NTNG1: variants seen among roughly 807,000 people sequenced by gnomAD.
NTNG1 encodes the protein netrin G1.
Under a neutral mutation model 54.0 loss-of-function variants are expected in NTNG1, and 16 were observed. That is an observed-to-expected ratio of 0.30 (90% CI 0.20 to 0.45). NTNG1 has a LOEUF of 0.45. Ranked by LOEUF, NTNG1 falls within the 20% of genes least tolerant of loss-of-function variation. The pLI is 1.00. For missense variants in NTNG1, 530 were observed against 678.7 expected (o/e 0.78, Z 2.43); for synonymous variants, 255 against 263.1 (o/e 0.97, Z 0.30).
At chr1:107,179,899 C>G (rs1186356162) in intron 2 of NTNG1, among the ~76,000 whole-genome samples, 4 of 151,994 alleles carry the variant, frequency 2.6e-5, no homozygotes, top group African/African-American at 9.7e-5. Context: ...GGAGTAAGTC[C>G]AGTTTTACAT....
intron 4 of NTNG1, among the ~76,000 whole-genome samples, chr1:107,397,710 T>C (rs1380612267): frequency 6.6e-6 from 1 of 152,114 alleles, no homozygotes; most frequent in Non-Finnish European, 1.5e-5. Flanking sequence ...TTTTAACTGG[T>C]ATAAAAGTTA....
chr1:107,317,247 A>G (rs1667387476), intron 2 of NTNG1, among the ~76,000 whole-genome samples: 1 of 152,214 alleles, frequency 6.6e-6, no homozygotes, highest in African/African-American at 2.4e-5. Context: ...AAGTTGCATT[A>G]ACTTAAATGC....
chr1:107,365,876 A>G (rs1309517200), intron 3 of NTNG1, among the ~76,000 whole-genome samples: 1 of 152,216 alleles, frequency 6.6e-6, no homozygotes, highest in Non-Finnish European at 1.5e-5. Context: ...ATTAAACAGT[A>G]TGGAATTAAC....
At chr1:107,351,922 C>A (rs1244101030) in intron 3 of NTNG1, among the ~76,000 whole-genome samples, 1 of 152,240 alleles carries the variant, frequency 6.6e-6, no homozygotes, top group African/African-American at 2.4e-5. Context: ...AAGAAAGGGG[C>A]TACAGGCCCC....
chr1:107,225,994 C>T (rs1037263289), intron 2 of NTNG1, among the ~76,000 whole-genome samples: 4 of 152,202 alleles, frequency 2.6e-5, no homozygotes, highest in Admixed American at 6.5e-5. Flanking sequence ...GCAAACCTCA[C>T]ATTAATGCTA....
intron 2 of NTNG1, among the ~76,000 whole-genome samples, chr1:107,264,994 G>T (rs1264011470): frequency 6.6e-6 from 1 of 152,146 alleles, no homozygotes; most frequent in Non-Finnish European, 1.5e-5. Flanking sequence ...CTGTGTCTTT[G>T]TTCACCTCCC....
At chr1:107,352,859 C>T (rs1669707312) in intron 3 of NTNG1, among the ~76,000 whole-genome samples, 1 of 152,222 alleles carries the variant, frequency 6.6e-6, no homozygotes, top group South Asian at 2.1e-4. Flanking sequence ...GGTTTGCACC[C>T]TCTGGAGCAG....
intron 5 of NTNG1, among the ~76,000 whole-genome samples, chr1:107,428,926 G>C (rs1044094633): frequency 3.9e-5 from 6 of 151,990 alleles, no homozygotes; most frequent in African/African-American, 1.5e-4. Context: ...CACTTGGCAT[G>C]CCTTTACTAC....
chr1:107,262,690 C>T (rs1274584938), intron 2 of NTNG1, among the ~76,000 whole-genome samples: 1 of 152,162 alleles, frequency 6.6e-6, no homozygotes, highest in Admixed American at 6.5e-5. Context: ...CTTATGTTGA[C>T]TTGAGACAAT....
intron 2 of NTNG1, among the ~76,000 whole-genome samples, chr1:107,160,065 CT>C (rs1278364632): frequency 2.6e-5 from 4 of 152,070 alleles, no homozygotes; most frequent in African/African-American, 9.7e-5. Flanking sequence ...TAGTGTGATG[CT>C]TTTGTTTTGT....
intron 3 of NTNG1, among the ~76,000 whole-genome samples, chr1:107,389,791 C>T (rs1029531806): frequency 2.6e-5 from 4 of 152,280 alleles, no homozygotes; most frequent in Non-Finnish European, 2.9e-5. Flanking sequence ...ACTTGGCTCT[C>T]GAGAACATCA....
chr1:107,164,132 CTG>C (rs754251095), intron 2 of NTNG1, among the ~76,000 whole-genome samples: 23 of 152,210 alleles, frequency 1.5e-4, no homozygotes, highest in Non-Finnish European at 2.9e-4. Flanking sequence ...ATCAAGGTGA[CTG>C]TGAATTAAAA....
At position 107,220,197 on chromosome 1, in the gene NTNG1, C is replaced by A. The variant is rs550463538; in HGVS notation, c.246+71358C>A. ...AGGCCTCACCCAGATCCCATGCAGCCCTCCTCACCCTCCGCCAACAGCACT... is the reference window on the plus strand; with the variant it reads ...AGGCCTCACCCAGATCCCATGCAGCACTCCTCACCCTCCGCCAACAGCACT... On this transcript the variant is annotated intron_variant, in intron 2 of 7. Coordinates refer to ENST00000370068, the MANE Select transcript of NTNG1 (RefSeq NM_001113226.3). Among the ~76,000 whole-genome samples, 7 of 152,286 alleles carry A rather than the reference C, an allele frequency of 4.6e-5. No homozygotes were observed. The South Asian group carries it at 1.5e-3, about 32-fold the overall frequency.
At chr1:107,235,173 A>G (rs1033630182) in intron 2 of NTNG1, among the ~76,000 whole-genome samples, 1 of 152,184 alleles carries the variant, frequency 6.6e-6, no homozygotes, top group Non-Finnish European at 1.5e-5. Flanking sequence ...TTCAAAGGGC[A>G]TGCTCTAGGA....
At chr1:107,456,211 T>C (rs572680502) in intron 7 of NTNG1, among the ~76,000 whole-genome samples, 22 of 152,170 alleles carry the variant, frequency 1.4e-4, no homozygotes, top group Non-Finnish European at 2.6e-4. Flanking sequence ...GATGGATCTT[T>C]TTAAAGTGAG....
chr1:107,291,575 AAAAT>A (rs1001957303), intron 2 of NTNG1, among the ~76,000 whole-genome samples: 20 of 152,312 alleles, frequency 1.3e-4, no homozygotes, highest in Admixed American at 1.2e-3. Context: ...CATAAAAGGA[AAAAT>A]AAATAATTCA....
chr1:107,242,789 C>G (rs914414531), intron 2 of NTNG1, among the ~76,000 whole-genome samples: 1 of 152,152 alleles, frequency 6.6e-6, no homozygotes, highest in East Asian at 1.9e-4. Flanking sequence ...ACTGAGCTGC[C>G]GAAGTGGGAA....
chr1:107,177,464 A>G (rs370000743), intron 2 of NTNG1, among the ~76,000 whole-genome samples: 1 of 151,852 alleles, frequency 6.6e-6, no homozygotes, highest in Admixed American at 6.6e-5. Context: ...CCTCTTGAGT[A>G]GCTGGAATTG....
chr1:107,309,555 A>G (rs1022674125), intron 2 of NTNG1, among the ~76,000 whole-genome samples: 3 of 152,212 alleles, frequency 2.0e-5, no homozygotes, highest in African/African-American at 7.2e-5. Flanking sequence ...GAAGGATACA[A>G]AAATGAATAA....
Sources: allele counts gnomAD v4.1 joint callset (sites outside exome capture counted in the v4.1 genomes callset), GRCh38; gene constraint gnomAD v4.1.1; transcripts MANE v1.5; gene names NCBI Gene and HGNC (gene_info 2026-07-23, HGNC 2026-07-21).